Variants in THBS2 observed in about 807,000 individuals in gnomAD.
The protein encoded by THBS2 is thrombospondin-2.
Under a neutral mutation model 135.2 loss-of-function variants are expected in THBS2, and 47 were observed. That is an observed-to-expected ratio of 0.35 (90% CI 0.28 to 0.44). The LOEUF is 0.44. THBS2 is among the 20% of genes least tolerant of loss of function. The probability of loss-of-function intolerance (pLI) is 1.00; values close to 1 mark genes in which losing one functional copy is unlikely to be tolerated. For synonymous variants in THBS2, 639 were observed against 633.8 expected (o/e 1.01, Z -0.12); for missense variants, 1,288 against 1,603.1 (o/e 0.80, Z 3.36).
chr6:169,237,449 G>A, intron 8 of THBS2, 103 bp from the exon 9 acceptor site: 1 of 1,494,776 alleles, frequency 6.7e-7, no homozygotes. Context: ...AGCTGCTGAG[G>A]AGAGGGAAGG....
intron 9 of THBS2, among the ~76,000 whole-genome samples, chr6:169,236,812 A>C: frequency 1.0e-5 from 1 of 100,486 alleles, no homozygotes; most frequent in Non-Finnish European, 2.0e-5. Flanking sequence ...TCCCATCCAC[A>C]CTCACTCCCC....
At chr6:169,232,569 C>G (rs1029263030) in intron 12 of THBS2, 95 bp downstream of exon 12, 113 of 1,519,188 alleles carry the variant, frequency 7.4e-5, no homozygotes, top group Non-Finnish European at 9.7e-5. Flanking sequence ...CCGGGCCACG[C>G]CACCCCTTCC....
chr6:169,237,138 C>G, intron 9 of THBS2, 32 bp downstream of exon 9: 1 of 1,575,730 alleles, frequency 6.3e-7, no homozygotes, highest in Non-Finnish European at 8.6e-7. Flanking sequence ...TGCAAGCCCG[C>G]CCACCCAGGG....
At chr6:169,248,306 C>CT in intron 3 of THBS2, 111 bp downstream of exon 3, 7 of 1,322,074 alleles carry the variant, frequency 5.3e-6, no homozygotes, top group Non-Finnish European at 6.2e-6. Flanking sequence ...GTGTGCTTCT[C>CT]TAAGGCCAGG....
intron 9 of THBS2, among the ~76,000 whole-genome samples, chr6:169,236,288 TCATTCCCATCCACAG>T (rs2115004926): frequency 2.9e-5 from 3 of 102,504 alleles, no homozygotes; most frequent in East Asian, 3.2e-4. Flanking sequence ...CCATCCACAC[TCATTCCCATCCACAG>T]TCACTCCCCA....
rs376586616 is a variant in THBS2, at chr6:169,234,445, A to G, written c.1651+289T>C. 11 of 329,972 alleles carry G rather than the reference A, an allele frequency of 3.3e-5. 1 individual carries two copies. Among genetic ancestry groups the G allele is most frequent in the African/African-American group, 2.5e-4 (11 of 43,212 alleles). 20.4% of individuals were successfully genotyped at this position (329,972 alleles called of 1,614,324 possible). Reference sequence around the variant, plus strand: ...CTGCCCACATTCCACAGGCCACGCCACACAACTACCCACATTCCACAGGCC... The same window carrying G: ...CTGCCCACATTCCACAGGCCACGCCGCACAACTACCCACATTCCACAGGCC... On this transcript the variant is annotated intron_variant, in intron 10 of 21. Coordinates refer to ENST00000617924, the MANE Select transcript of THBS2 (RefSeq NM_003247.5).
intron 15 of THBS2, 142 bp from the exon 16 acceptor site, chr6:169,226,440 T>C (rs1779633537): frequency 1.8e-6 from 1 of 570,842 alleles, no homozygotes. Context: ...CGCCTAAGAA[T>C]ATAGTAAAAT....
At chr6:169,253,477 C>G (rs1292429615) in intron 1 of THBS2, among the ~76,000 whole-genome samples, 2 of 152,166 alleles carry the variant, frequency 1.3e-5, no homozygotes, top group Non-Finnish European at 2.9e-5. Context: ...AAGGGGTGCC[C>G]GGCTGGTGAA....
intron 9 of THBS2, among the ~76,000 whole-genome samples, chr6:169,235,853 C>T (rs1780022273): frequency 2.8e-5 from 4 of 143,272 alleles, no homozygotes; most frequent in African/African-American, 5.3e-5. Flanking sequence ...CATCCACACT[C>T]ACTCCCCTAT....
At chr6:169,242,103 G>T in intron 4 of THBS2, 145 bp from the exon 5 acceptor site, 1 of 935,128 alleles carries the variant, frequency 1.1e-6, no homozygotes. Flanking sequence ...GCCAGCAGCA[G>T]AGGCCAGGAC....
intron 4 of THBS2, among the ~76,000 whole-genome samples, chr6:169,243,781 G>A (rs979374643): frequency 6.6e-6 from 1 of 152,196 alleles, no homozygotes; most frequent in Admixed American, 6.5e-5. Context: ...CAGGAATGTA[G>A]TTTTACCTGG....
At chr6:169,234,667 A>G in intron 10 of THBS2, 67 bp downstream of exon 10, 2 of 1,377,206 alleles carry the variant, frequency 1.5e-6, no homozygotes, top group Non-Finnish European at 1.9e-6. Context: ...AGTTTCCCAA[A>G]GCGTTTGTGC....
At chr6:169,245,738 G>A (rs1780532926) in intron 4 of THBS2, among the ~76,000 whole-genome samples, 1 of 147,160 alleles carries the variant, frequency 6.8e-6, no homozygotes, top group Admixed American at 6.9e-5. Context: ...CTTGCAGTGA[G>A]CCCAGATCGC....
At chr6:169,247,458 T>C (rs565418817) in intron 3 of THBS2, among the ~76,000 whole-genome samples, 32 of 152,284 alleles carry the variant, frequency 2.1e-4, no homozygotes, top group African/African-American at 7.7e-4. Context: ...TGTGCATTTG[T>C]GCATGTGTAT....
At chr6:169,233,504 A>T (rs751698550) in intron 10 of THBS2, among the ~76,000 whole-genome samples, 16 of 151,718 alleles carry the variant, frequency 1.1e-4, no homozygotes, top group Non-Finnish European at 1.9e-4. Context: ...CACCTTCCAC[A>T]ACACACAACT....
At position 169,225,358 on chromosome 6, in the gene THBS2, C is replaced by G. The variant is rs1254979519; in HGVS notation, c.2560G>C (p.Val854Leu). The change falls in exon 17 of 22, where the codon GTT (valine) becomes CTT (leucine). Residue 854 changes from valine (V) to leucine (L), a missense_variant. Transcript: ENST00000617924. ...TCGTTGTTGTCACACTGGTCCCCAA[C>G]AAGGTCATTGTCCACGTCGGTCTAG... is the stretch of plus-strand genomic sequence containing the variant. ...PDQTDVDNDL[V>L]GDQCDNNEDI... The G allele has an allele frequency of 6.4e-7, 1 of 1,557,828 alleles. No homozygotes were observed. The highest frequency in any genetic ancestry group is 8.7e-7 in the Non-Finnish European group (1 of 1,150,434).
rs550430283 is a variant in THBS2 at position 169,217,480 on chromosome 6, A to C, written c.*342T>G. 1 of 319,346 alleles carries C rather than the reference A, an allele frequency of 3.1e-6. No individual in the cohort carries two copies. Among genetic ancestry groups the C allele is most frequent in the East Asian group, 5.1e-5 (1 of 19,664 alleles). The allele number at this position is 319,346 out of a possible 1,614,324, so 19.8% of individuals were successfully genotyped here. ...TCCCTTCAACTCCATATACACATAA[A>C]TACAATAAGTAATTACATTTTATAT... On this transcript the variant is annotated 3_prime_UTR_variant, in exon 22 of 22. Coordinates refer to ENST00000617924, the MANE Select transcript of THBS2 (RefSeq NM_003247.5).
intron 16 of THBS2, among the ~76,000 whole-genome samples, chr6:169,225,660 A>G (rs1779602340): frequency 6.6e-6 from 1 of 152,134 alleles, no homozygotes; most frequent in African/African-American, 2.4e-5. Context: ...AGCATGAACT[A>G]CCAGGTAATT....
At chr6:169,223,662 A>G (rs1347197827) in intron 17 of THBS2, among the ~76,000 whole-genome samples, 187 bp from the exon 18 acceptor site, 2 of 152,214 alleles carry the variant, frequency 1.3e-5, no homozygotes, top group Non-Finnish European at 2.9e-5. Flanking sequence ...TTGACTTCAC[A>G]GGAACCTCAA....
Sources: gnomAD v4.1 joint callset for allele counts (sites outside exome capture counted in the v4.1 genomes callset) on GRCh38, gnomAD v4.1.1 for gene constraint, MANE v1.5 for transcripts, NCBI Gene and HGNC (gene_info 2026-07-23, HGNC 2026-07-21) for gene names.